Variants in TRIO observed in about 807,000 individuals in gnomAD.
TRIO encodes the protein triple functional domain protein.
TRIO carries 58 observed loss-of-function variants against 351.9 expected under a neutral mutation model. The observed-to-expected ratio is 0.16, with a 90% confidence interval of 0.13 to 0.21. The LOEUF (loss-of-function observed/expected upper bound fraction) is 0.21. Ranked by LOEUF, TRIO falls within the 10% of genes least tolerant of loss-of-function variation. The pLI is 1.00. For synonymous variants in TRIO, 1,758 were observed against 1,595.7 expected (o/e 1.10, Z -2.42); for missense variants, 3,201 against 4,027.8 (o/e 0.79, Z 5.56).
rs574052860 is a variant in TRIO at position 14,332,616 on chromosome 5, A to G, written c.1854+1716A>G. Among the ~76,000 whole-genome samples the G allele has an allele frequency of 2.3e-3, 354 of 152,326 alleles. 1 individual carries two copies. The highest frequency in any genetic ancestry group is 8.0e-3 in the African/African-American group (333 of 41,570). On this transcript the variant is annotated intron_variant, in intron 10 of 56. Transcript: ENST00000344204. ...GAAAATTCAGGTCAAATTATTTGCT[A>G]TCAAGCATTTTCTTTAGACTGGCAC...
chr5:14,422,547 C>G (rs767214962), intron 34 of TRIO, among the ~76,000 whole-genome samples: 1 of 152,164 alleles, frequency 6.6e-6, no homozygotes, highest in Non-Finnish European at 1.5e-5. Context: ...TCTAATTACT[C>G]AGATCAGCCA....
chr5:14,385,558 T>G (rs766307894), intron 21 of TRIO, among the ~76,000 whole-genome samples: 41 of 152,216 alleles, frequency 2.7e-4, no homozygotes, highest in Non-Finnish European at 4.3e-4. Context: ...AAAATACTTA[T>G]ATACATTTGC....
At chr5:14,369,340 C>T (rs1744876755) in intron 17 of TRIO, 34 bp from the exon 18 acceptor site, 7 of 1,572,646 alleles carry the variant, frequency 4.5e-6, no homozygotes, top group South Asian at 1.2e-5. Context: ...GTGGCAGATG[C>T]CAAGTCTGAG....
chr5:14,266,234 C>T (rs767229750), intron 1 of TRIO, among the ~76,000 whole-genome samples: 29 of 152,078 alleles, frequency 1.9e-4, no homozygotes, highest in Middle Eastern at 3.4e-3. Context: ...AATATTTTTT[C>T]GTATTTTAGT....
chr5:14,272,166 C>T (rs1796014915), intron 2 of TRIO, among the ~76,000 whole-genome samples: 1 of 152,200 alleles, frequency 6.6e-6, no homozygotes, highest in Non-Finnish European at 1.5e-5. Context: ...TTGCGAACCC[C>T]TGATTTTGTA....
Position 14,390,223 on chromosome 5 carries a change from C to G in TRIO, c.4059-8C>G. The G allele has an allele frequency of 1.2e-6, 2 of 1,611,854 alleles. No individual in the cohort carries two copies. The highest frequency in any genetic ancestry group is 1.7e-6 in the Non-Finnish European group (2 of 1,179,238). ...TTTGTAATATGATACCATTTTTATT[C>G]TTTGCAGCATATTCCTAAAGGAGCT... On this transcript the variant is annotated splice_region_variant and splice_polypyrimidine_tract_variant and intron_variant, in intron 25 of 56. Coordinates refer to ENST00000344204, the MANE Select transcript of TRIO (RefSeq NM_007118.4).
intron 1 of TRIO, among the ~76,000 whole-genome samples, chr5:14,245,398 A>G (rs1339714692): frequency 2.0e-5 from 3 of 152,142 alleles, no homozygotes; most frequent in Admixed American, 6.5e-5. Context: ...TGCAACCACA[A>G]AGTTTCTTAT....
At position 14,487,900 on chromosome 5, in the gene TRIO, C is replaced by T. The variant is rs1401244540; in HGVS notation, c.7272C>T (p.Asn2424=). ...VLESPRKGAA[N]ASGSSPDAPA... Reference sequence around the variant, plus strand: ...AGAGCCCCAGGAAAGGCGCCGCGAACGCCTCGGGGTCGAGCCCAGACGCCC... The same window carrying T: ...AGAGCCCCAGGAAAGGCGCCGCGAATGCCTCGGGGTCGAGCCCAGACGCCC... The change falls in exon 48 of 57, where the codon AAC becomes AAT. Residue 2424 remains asparagine, a synonymous_variant. Coordinates refer to ENST00000344204, the MANE Select transcript of TRIO (RefSeq NM_007118.4). 3.2e-6 allele frequency: 5 copies of T among 1,539,028 alleles called. No homozygotes were observed. The highest frequency in any genetic ancestry group is 4.4e-6 in the Non-Finnish European group (5 of 1,143,072).
At chr5:14,236,508 A>G (rs1793774967) in intron 1 of TRIO, among the ~76,000 whole-genome samples, 1 of 152,186 alleles carries the variant, frequency 6.6e-6, no homozygotes, top group Non-Finnish European at 1.5e-5. Context: ...GGTATTAAAC[A>G]TTGTTACCAT....
intron 1 of TRIO, among the ~76,000 whole-genome samples, chr5:14,145,603 A>G (rs1054483477): frequency 1.3e-5 from 2 of 151,708 alleles, no homozygotes; most frequent in Non-Finnish European, 2.9e-5. Context: ...AGCTAAGTCT[A>G]GCTTTCTCTC....
At position 14,488,030 on chromosome 5, in the gene TRIO, C is replaced by T. The variant is rs1337219256; in HGVS notation, c.7402C>T (p.Leu2468Phe). The T allele has an allele frequency of 1.2e-6, 2 of 1,602,848 alleles. No homozygotes were observed. The highest frequency in any genetic ancestry group is 1.7e-6 in the Non-Finnish European group (2 of 1,175,920). ...NSPLSSAVPS[L>F]GKEPFPPSSP... The stretch of plus-strand genomic sequence containing the variant: ...GCCGCTCTCCAGCGCGGTCCCTTCT[C>T]TCGGCAAGGAGCCCTTCCCCCCCAG... The change falls in exon 48 of 57, where the codon CTC becomes TTC. Residue 2468 changes from leucine to phenylalanine, a missense_variant. Physicochemically the swap from Leu to Phe is conservative, Grantham distance 22. This residue lies in a region of TRIO where 1,089 missense variants were observed against 954.9 expected (regional missense o/e 1.14). Coordinates refer to ENST00000344204, the MANE Select transcript of TRIO (RefSeq NM_007118.4).
intron 25 of TRIO, among the ~76,000 whole-genome samples, 162 bp downstream of exon 25, chr5:14,389,560 A>G (rs530751365): frequency 6.6e-6 from 1 of 152,354 alleles, no homozygotes; most frequent in Admixed American, 6.5e-5. Context: ...GACATTCTAG[A>G]AATTCTTTTA....
chr5:14,371,606 C>T (rs1302144261), intron 18 of TRIO, among the ~76,000 whole-genome samples: 1 of 151,002 alleles, frequency 6.6e-6, no homozygotes, highest in Non-Finnish European at 1.5e-5. Flanking sequence ...ATCTGAAATC[C>T]AGCATTGTTA....
At chr5:14,313,129 A>T (rs374613019) in intron 8 of TRIO, among the ~76,000 whole-genome samples, 4 of 152,354 alleles carry the variant, frequency 2.6e-5, no homozygotes, top group African/African-American at 7.2e-5. Context: ...AGTGGGTCCA[A>T]GAGGTGTTAT....
chr5:14,228,709 CT>C (rs1358868186), intron 1 of TRIO, among the ~76,000 whole-genome samples: 3 of 152,110 alleles, frequency 2.0e-5, no homozygotes, highest in Non-Finnish European at 4.4e-5. Context: ...ACTATTTTGG[CT>C]TTTTAGAACC....
At chr5:14,405,718 G>A (rs1160961115) in intron 31 of TRIO, 130 bp from the exon 32 acceptor site, 1 of 1,080,934 alleles carries the variant, frequency 9.3e-7, no homozygotes, top group Non-Finnish European at 1.3e-6. Flanking sequence ...AACGTCGGAT[G>A]TGGTTGCTTT....
In TRIO at chr5:14,497,567, A is replaced by G. The variant is rs1309997967; in HGVS notation, c.8020-280A>G. ...GGGGCCAGGGCGTTGGCGGCTCTGC[A>G]TTAGGAACGCATCTGAGGACCAGCT... On this transcript the variant is annotated intron_variant, in intron 50 of 56. Coordinates refer to ENST00000344204, the MANE Select transcript of TRIO (RefSeq NM_007118.4). The surrounding 1 kb of genome is among the most constrained non-coding windows in gnomAD (Gnocchi z 4.4). 6.6e-6 allele frequency among the ~76,000 whole-genome samples: 1 copy of G among 152,166 alleles called. No individual in the cohort carries two copies. The highest frequency in any genetic ancestry group is 6.5e-5 in the Admixed American group (1 of 15,282).
In TRIO at chr5:14,486,972, G is replaced by A. The variant is rs77786063; in HGVS notation, c.6836-492G>A. Among the ~76,000 whole-genome samples, 654 of 152,300 alleles carry A rather than the reference G, an allele frequency of 4.3e-3. 5 individuals are homozygous for A. The highest frequency in any genetic ancestry group is 0.014 in the Middle Eastern group (4 of 294). ...TTCTGTGTTTTTCTACAATGAAGAT[G>A]TAAGAAAACTCAGGCACCCAAGTCA... On this transcript the variant is annotated intron_variant, in intron 47 of 56. Coordinates refer to ENST00000344204, the MANE Select transcript of TRIO (RefSeq NM_007118.4).
chr5:14,433,833 A>G (rs1311391949), intron 34 of TRIO, among the ~76,000 whole-genome samples: 2 of 152,182 alleles, frequency 1.3e-5, no homozygotes, highest in African/African-American at 4.8e-5. Flanking sequence ...TTTGATTTTG[A>G]TTTTAAGGAT....
Sources: gnomAD v4.1 joint callset for allele counts (sites outside exome capture counted in the v4.1 genomes callset) on GRCh38, gnomAD v4.1.1 for gene constraint, gnomAD v4.1.1 regional missense constraint, Gnocchi (gnomAD v3.1) non-coding constraint, MANE v1.5 for transcripts, NCBI Gene and HGNC (gene_info 2026-07-23, HGNC 2026-07-21) for gene names.